The following MYBL2 variants were observed in gnomAD, a reference collection of about 807,000 sequenced individuals.
MYBL2 encodes myb-related protein B.
Under a neutral mutation model 79.9 loss-of-function variants are expected in MYBL2, and 28 were observed. The ratio of observed to expected loss-of-function variants is 0.35; its 90% CI spans 0.26 to 0.48. The LOEUF is 0.48. Ranked by LOEUF, MYBL2 falls within the 20% of genes least tolerant of loss-of-function variation. The pLI, the probability that MYBL2 is intolerant of heterozygous loss-of-function variation, is 0.99. For synonymous variants in MYBL2, 378 were observed against 361.2 expected, an observed-to-expected ratio of 1.05 and a Z score of -0.53; for missense variants, 735 against 893.9, an observed-to-expected ratio of 0.82 and a Z score of 2.27.
chr20:43,705,648 C>A (rs1008044143), intron 9 of MYBL2, among the ~76,000 whole-genome samples: 1 of 151,882 alleles, frequency 6.6e-6, no homozygotes, highest in Non-Finnish European at 1.5e-5. Context: ...AGGTGCATGC[C>A]ACCATGCTCA....
chr20:43,693,633 C>T (rs1262538857), intron 6 of MYBL2, among the ~76,000 whole-genome samples: 1 of 152,140 alleles, frequency 6.6e-6, no homozygotes. Context: ...CAGCATGCCC[C>T]AGCTACATTT....
chr20:43,674,559 T>C (rs538456662), intron 2 of MYBL2, among the ~76,000 whole-genome samples: 12 of 151,940 alleles, frequency 7.9e-5, no homozygotes, highest in African/African-American at 2.4e-4. Context: ...AGCTAATTTT[T>C]TTTTTTTGTA....
intron 11 of MYBL2, among the ~76,000 whole-genome samples, chr20:43,712,475 G>C (rs944796443): frequency 3.3e-5 from 5 of 152,164 alleles, no homozygotes; most frequent in African/African-American, 1.2e-4. Context: ...GCACTGTTGG[G>C]TAGAGTGGGG....
intron 1 of MYBL2, among the ~76,000 whole-genome samples, chr20:43,671,296 C>T (rs1292730458): frequency 6.6e-6 from 1 of 151,796 alleles, no homozygotes. Flanking sequence ...GCTGGGATTA[C>T]AGGCGCATGC....
intron 5 of MYBL2, among the ~76,000 whole-genome samples, chr20:43,688,232 C>T (rs1430022824): frequency 2.6e-5 from 4 of 151,530 alleles, no homozygotes; most frequent in Admixed American, 1.3e-4. Context: ...ACCAGAGTCT[C>T]GCTCTGTCAT....
rs368379152 is a variant in MYBL2 at position 43,673,820 on chromosome 20, A to C, written c.35A>C (p.Glu12Ala). Residue 12 changes from glutamate to alanine, a missense_variant, in exon 2 of 14, where the codon GAG becomes GCG. Glu to Ala is a moderately radical substitution (Grantham distance 107, BLOSUM62 -1). Coordinates refer to ENST00000217026, the MANE Select transcript of MYBL2 (RefSeq NM_002466.4). Reference sequence around the variant, plus strand: ...TTTCCCCATAGCGAGGATCTGGATGAGCTGCACTACCAGGACACAGATTCA... The same window carrying C: ...TTTCCCCATAGCGAGGATCTGGATGCGCTGCACTACCAGGACACAGATTCA... ...SRRTRCEDLDELHYQDTDSDV... is the reference protein window; with the variant it reads ...SRRTRCEDLDALHYQDTDSDV... The C allele has an allele frequency of 6.4e-6, 10 of 1,564,574 alleles. No homozygotes were observed. Among genetic ancestry groups the C allele is most frequent in the Non-Finnish European group, 8.7e-6 (10 of 1,153,226 alleles).
At position 43,715,956 on chromosome 20, in the gene MYBL2, C is replaced by A. The variant is rs935920145; in HGVS notation, c.1975-3C>A. ...GGATGGTAACCCTCTTGCCTCCTCC[C>A]AGATGTCCAGTGCCTGGAAGACGGT... On this transcript the variant is annotated splice_polypyrimidine_tract_variant and splice_region_variant and intron_variant, in intron 13 of 13. Transcript: ENST00000217026. The A allele has an allele frequency of 1.2e-6, 2 of 1,609,414 alleles. No homozygotes were observed. The highest frequency in any genetic ancestry group is 3.4e-5 in the Admixed American group (2 of 59,024).
rs1027294566 is a variant in MYBL2 at position 43,713,223 on chromosome 20, CA to C, written c.1824+118del. On this transcript the variant is annotated intron_variant, in intron 12 of 13. Transcript: ENST00000217026. ...CCTGGGCTCTGCAGGGAGGGGCTAT[CA>C]GGGAGGGTGGGTCCGGGCACCCACT... 22 of 610,384 alleles carry C rather than the reference CA, an allele frequency of 3.6e-5. No individual in the cohort carries two copies. The East Asian group carries it at 6.2e-4, about 17-fold the overall frequency. 37.8% of individuals were successfully genotyped at this position (610,384 alleles called of 1,614,324 possible). A position where few individuals can be genotyped will look rare whatever the true frequency, so the allele number is the denominator to read the frequency against.
chr20:43,696,422 T>C (rs971884171), intron 6 of MYBL2, among the ~76,000 whole-genome samples: 6 of 125,660 alleles, frequency 4.8e-5, no homozygotes, highest in African/African-American at 1.8e-4. Flanking sequence ...GGTTTCTCCA[T>C]GTTGGTCAGG....
chr20:43,699,705 A>G (rs182454223), intron 6 of MYBL2, 52 bp from the exon 7 acceptor site: 113 of 1,580,200 alleles, frequency 7.2e-5, no homozygotes, highest in Admixed American at 2.4e-4. Flanking sequence ...GGAAACTACT[A>G]TATAGTCTAT....
intron 6 of MYBL2, among the ~76,000 whole-genome samples, chr20:43,694,579 G>GT (rs1223451855): frequency 1.3e-5 from 2 of 152,116 alleles, no homozygotes; most frequent in East Asian, 3.8e-4. Context: ...GATATATTAT[G>GT]TTTTTGCCTC....
rs1045808907 is a variant in MYBL2, at chr20:43,711,652, G to T, written c.1719+51G>T. 6 of 1,520,560 alleles carry T rather than the reference G, an allele frequency of 3.9e-6. No individual in the cohort carries two copies. The African/African-American group carries it at 8.3e-5, about 21-fold the overall frequency. 94.2% of individuals were successfully genotyped at this position (1,520,560 alleles called of 1,614,324 possible). A position where few individuals can be genotyped will look rare whatever the true frequency, so the allele number is the denominator to read the frequency against. On this transcript the variant is annotated intron_variant, in intron 11 of 13. Transcript: ENST00000217026. ...CTGGGCAGGGGGAATTGGAGCCGTG[G>T]CATGGGGGAGGCGTCTGGGGACAGG...
At chr20:43,690,239 T>G (rs1401104740) in intron 5 of MYBL2, among the ~76,000 whole-genome samples, 1 of 151,760 alleles carries the variant, frequency 6.6e-6, no homozygotes, top group African/African-American at 2.4e-5. Context: ...GGAGTCTTGC[T>G]CTGTCGCCCA....
rs139167760 is a variant in MYBL2 at position 43,715,230 on chromosome 20, G to A, written c.1921G>A (p.Glu641Lys). The change falls in exon 13 of 14, where the codon GAG (glutamate) becomes AAG (lysine). Residue 641 changes from glutamate (E) to lysine (K), a missense_variant. Glu to Lys is a moderately conservative substitution (Grantham distance 56). Coordinates refer to ENST00000217026, the MANE Select transcript of MYBL2 (RefSeq NM_002466.4). ...LNQGFLQAKP[E>K]KAAVAQKPRS... The stretch of plus-strand genomic sequence containing the variant: ...CCAGGGCTTCTTGCAGGCCAAGCCC[G>A]AGAAGGCAGCAGTGGCCCAGAAGCC... 2.6e-5 allele frequency: 42 copies of A among 1,614,134 alleles called. No homozygotes were observed. Among genetic ancestry groups the A allele is most frequent in the African/African-American group, 9.3e-5 (7 of 74,946 alleles).
chr20:43,679,344 C>T (rs1987091542), intron 2 of MYBL2, among the ~76,000 whole-genome samples: 1 of 152,192 alleles, frequency 6.6e-6, no homozygotes, highest in Admixed American at 6.6e-5. Flanking sequence ...ACAAAACCAC[C>T]TCACTTTAAA....
chr20:43,667,902 C>T (rs285206), intron 1 of MYBL2, among the ~76,000 whole-genome samples: 126,562 of 152,122 alleles, frequency 0.83, 52,924 homozygotes, highest in Non-Finnish European at 0.88. Context: ...GGTTTGAGAC[C>T]TCTCTTCCTG....
chr20:43,705,505 G>A (rs964160236), intron 9 of MYBL2, 147 bp downstream of exon 9: 1 of 945,356 alleles, frequency 1.1e-6, no homozygotes, highest in Non-Finnish European at 1.4e-6. Flanking sequence ...CTCCTTTCTG[G>A]CCACCACGAT....
At chr20:43,711,733 C>T (rs1600566701) in intron 11 of MYBL2, 132 bp downstream of exon 11, 2 of 731,286 alleles carry the variant, frequency 2.7e-6, no homozygotes. Flanking sequence ...CCTTTGCCCC[C>T]TTTCGCACGG....
At chr20:43,693,024 G>A (rs1462385717) in intron 6 of MYBL2, among the ~76,000 whole-genome samples, 2 of 151,980 alleles carry the variant, frequency 1.3e-5, no homozygotes, top group Admixed American at 6.6e-5. Context: ...AAATCCTATA[G>A]TATTACATTT....
Sources: allele counts gnomAD v4.1 joint callset (sites outside exome capture counted in the v4.1 genomes callset), GRCh38; gene constraint gnomAD v4.1.1; transcripts MANE v1.5; gene names NCBI Gene and HGNC (gene_info 2026-07-23, HGNC 2026-07-21).